MED28: variants seen among roughly 807,000 people sequenced by gnomAD.
MED28 encodes the protein mediator complex subunit 28, also known as mediator of RNA polymerase II transcription subunit 28.
Under a neutral mutation model 21.3 loss-of-function variants are expected in MED28, and 26 were observed. The ratio of observed to expected loss-of-function variants is 1.22; its 90% CI spans 0.89 to 1.69. MED28 has a LOEUF of 1.69. MED28 is among the 40% of genes most tolerant of loss of function. The pLI, the probability that MED28 is intolerant of heterozygous loss-of-function variation, is 0.00. For synonymous variants in MED28, 110 were observed against 87.6 expected, an observed-to-expected ratio of 1.26 and a Z score of -1.43; for missense variants, 257 against 215.4, an observed-to-expected ratio of 1.19 and a Z score of -1.21.
chr4:17,622,725 T>G (rs1714670648), intron 3 of MED28, among the ~76,000 whole-genome samples: 1 of 152,178 alleles, frequency 6.6e-6, no homozygotes, highest in Non-Finnish European at 1.5e-5. Flanking sequence ...TAAAGACATA[T>G]CTGAGACTGG....
chr4:17,634,019 T>TA lies in MED28; in HGVS notation c.*10222dup, dbSNP rs552757786. 9 of 621,300 alleles carry TA rather than the reference T, an allele frequency of 1.4e-5. No homozygotes were observed. Among genetic ancestry groups the TA allele is most frequent in the Admixed American group, 1.2e-4 (3 of 24,306 alleles). 38.5% of individuals were successfully genotyped at this position (621,300 alleles called of 1,614,324 possible). ...GAAGCAACAATTTCATTTATACACT[T>TA]ACATGCTATTTTTTAAAGCACTTTT... On this transcript the variant is annotated 3_prime_UTR_variant, in exon 4 of 4. Coordinates refer to ENST00000237380, the MANE Select transcript of MED28 (RefSeq NM_025205.5).
intron 3 of MED28, among the ~76,000 whole-genome samples, chr4:17,622,604 T>G (rs1010113646): frequency 6.6e-6 from 1 of 152,192 alleles, no homozygotes; most frequent in Non-Finnish European, 1.5e-5. Context: ...AACAAATGTT[T>G]CAGATTTTCA....
intron 1 of MED28, among the ~76,000 whole-genome samples, chr4:17,619,227 A>C (rs116708612): frequency 0.012 from 1,850 of 152,250 alleles, 38 homozygotes; most frequent in African/African-American, 0.043. Context: ...TGCCCTTTAG[A>C]GATAACTCTC....
In MED28 at chr4:17,633,580, T is replaced by TG. The variant is rs1210562691; in HGVS notation, c.*9783dup. On this transcript the variant is annotated 3_prime_UTR_variant, in exon 4 of 4. Transcript: ENST00000237380. The stretch of plus-strand genomic sequence containing the variant: ...TCAGTGTCCCTTGTCTAATCATCCA[T>TG]GAAAAAAGGCCTTCTGGAATTTGGT... 8 of 1,052,016 alleles carry TG rather than the reference T, an allele frequency of 7.6e-6. No homozygotes were observed. In the East Asian group the frequency reaches 2.3e-4, roughly 30 times the overall value. The allele number at this position is 1,052,016 out of a possible 1,614,324, so 65.2% of individuals were successfully genotyped here. A position where few individuals can be genotyped will look rare whatever the true frequency, so the allele number is the denominator to read the frequency against.
In MED28 at chr4:17,625,670, G is replaced by A. The variant is rs1714755697; in HGVS notation, c.*1872G>A. The A allele has an allele frequency of 2.2e-6, 1 of 448,762 alleles. No homozygotes were observed. Among genetic ancestry groups the A allele is most frequent in the African/African-American group, 2.0e-5 (1 of 49,834 alleles). 27.8% of individuals were successfully genotyped at this position (448,762 alleles called of 1,614,324 possible). ...TCTGTTTGTAGACATCTTACTGGGTGATGAATAATCCTCTAAGAAACCCTC... is the reference window on the plus strand; with the variant it reads ...TCTGTTTGTAGACATCTTACTGGGTAATGAATAATCCTCTAAGAAACCCTC... On this transcript the variant is annotated 3_prime_UTR_variant, in exon 4 of 4. Coordinates refer to ENST00000237380, the MANE Select transcript of MED28 (RefSeq NM_025205.5).
rs71167314 is a variant in MED28 at position 17,628,255 on chromosome 4, C to CGTGTGTGT, written c.*4486_*4493dup. 26,333 of 140,570 alleles carry CGTGTGTGT rather than the reference C, an allele frequency of 0.19. 2,744 individuals carry two copies. The highest frequency in any genetic ancestry group is 0.23 in the Middle Eastern group (66 of 284). 8.7% of individuals were successfully genotyped at this position (140,570 alleles called of 1,614,324 possible). On this transcript the variant is annotated 3_prime_UTR_variant, in exon 4 of 4. Transcript: ENST00000237380. ...GCTGGTTAAAACGAGTGACAGCTGC[C>CGTGTGTGT]GTGTGTGTGTGTGTGTGTGTGTGTG...
chr4:17,630,724 G>A lies in MED28; in HGVS notation c.*6926G>A, dbSNP rs1218755547. The stretch of plus-strand genomic sequence containing the variant: ...TAAAAATGCATTGGAGCCTCGTTTT[G>A]ATTAGGCAGTAAATTTACCTTTAAT... On this transcript the variant is annotated 3_prime_UTR_variant, in exon 4 of 4. Coordinates refer to ENST00000237380, the MANE Select transcript of MED28 (RefSeq NM_025205.5). 6.6e-6 allele frequency: 1 copy of A among 151,864 alleles called. No homozygotes were observed. Among genetic ancestry groups the A allele is most frequent in the Non-Finnish European group, 1.5e-5 (1 of 68,000 alleles). The allele number at this position is 151,864 out of a possible 1,614,324, so 9.4% of individuals were successfully genotyped here.
In MED28 at chr4:17,624,500, T is replaced by TAA. The variant is rs1034938052; in HGVS notation, c.*703_*704insAA. On this transcript the variant is annotated 3_prime_UTR_variant, in exon 4 of 4. Transcript: ENST00000237380. ...TAGAAGGATATAGTGGGAGCAGTGA[T>TAA]ACGCTAACATTCATTACATTCTGCA... is the stretch of plus-strand genomic sequence containing the variant. 1.3e-5 allele frequency: 2 copies of TAA among 152,208 alleles called. No individual in the cohort carries two copies. The highest frequency in any genetic ancestry group is 4.8e-5 in the African/African-American group (2 of 41,400). The allele number at this position is 152,208 out of a possible 1,614,324, so 9.4% of individuals were successfully genotyped here.
At chr4:17,617,006 A>G (rs1714472801) in intron 1 of MED28, among the ~76,000 whole-genome samples, 1 of 152,220 alleles carries the variant, frequency 6.6e-6, no homozygotes, top group African/African-American at 2.4e-5. Flanking sequence ...AACGGCAGGC[A>G]GTTGCCTTGT....
rs774717339 is a variant in MED28, at chr4:17,623,550, A to C, written c.340-51A>C. On this transcript the variant is annotated intron_variant, in intron 3 of 3. Transcript: ENST00000237380. Reference sequence around the variant, plus strand: ...TAGCCTCTTAACTAACCAGAACCGTATGTGTTTTTCCTGCATTTGCTCTGA... The same window carrying C: ...TAGCCTCTTAACTAACCAGAACCGTCTGTGTTTTTCCTGCATTTGCTCTGA... 3.2e-6 allele frequency: 5 copies of C among 1,566,748 alleles called. No homozygotes were observed. In the South Asian group the frequency reaches 5.6e-5, roughly 17 times the overall value.
Position 17,625,413 on chromosome 4 carries a change from T to A in MED28, c.*1615T>A, listed in dbSNP as rs1714749384. On this transcript the variant is annotated 3_prime_UTR_variant, in exon 4 of 4. Transcript: ENST00000237380. ...TGGTATGACCTCAAGGTTGCTAACC[T>A]GGTCACTCATGGTAATTAGAAACTC... is the stretch of plus-strand genomic sequence containing the variant. The A allele has an allele frequency of 3.8e-6, 1 of 261,424 alleles. No homozygotes were observed. The highest frequency in any genetic ancestry group is 3.5e-5 in the South Asian group (1 of 28,280). 16.2% of individuals were successfully genotyped at this position (261,424 alleles called of 1,614,324 possible).
In MED28 at chr4:17,628,116, C is replaced by A. The variant is rs1714814216; in HGVS notation, c.*4318C>A. 6.6e-6 allele frequency: 1 copy of A among 152,156 alleles called. No homozygotes were observed. The highest frequency in any genetic ancestry group is 2.4e-5 in the African/African-American group (1 of 41,440). 9.4% of individuals were successfully genotyped at this position (152,156 alleles called of 1,614,324 possible). A position where few individuals can be genotyped will look rare whatever the true frequency, so the allele number is the denominator to read the frequency against. On this transcript the variant is annotated 3_prime_UTR_variant, in exon 4 of 4. Coordinates refer to ENST00000237380, the MANE Select transcript of MED28 (RefSeq NM_025205.5). ...GACATAAACAGTCTCTGAATGCCAACCCCAAAGTTGCTCTCAGGCCATGAT... is the reference window on the plus strand; with the variant it reads ...GACATAAACAGTCTCTGAATGCCAAACCCAAAGTTGCTCTCAGGCCATGAT...
Position 17,614,663 on chromosome 4 carries a change from T to G in MED28, c.9T>G (p.Ala3=). The G allele has an allele frequency of 1.2e-6, 2 of 1,606,400 alleles. No homozygotes were observed. Among genetic ancestry groups the G allele is most frequent in the Non-Finnish European group, 1.7e-6 (2 of 1,177,346 alleles). The change falls in exon 1 of 4, where the codon GCT becomes GCG. Residue 3 remains alanine, a synonymous_variant. Coordinates refer to ENST00000237380, the MANE Select transcript of MED28 (RefSeq NM_025205.5). ...CTTGCGCCATTCCAAACATGGCGGC[T>G]CCACTAGGGGGTATGTTTTCTGGGC... The part of the protein sequence containing the change: MA[A]PLGGMFSGQP...
chr4:17,625,172 G>C lies in MED28; in HGVS notation c.*1374G>C, dbSNP rs141786329. On this transcript the variant is annotated 3_prime_UTR_variant, in exon 4 of 4. Transcript: ENST00000237380. ...TTGCCCTCGCTAGGTTCTCCCTGGT[G>C]GGTTAGTGCTTTGTATCTGTCTCTC... 1 of 153,050 alleles carries C rather than the reference G, an allele frequency of 6.5e-6. No homozygotes were observed. The highest frequency in any genetic ancestry group is 1.9e-4 in the East Asian group (1 of 5,202). 9.5% of individuals were successfully genotyped at this position (153,050 alleles called of 1,614,324 possible).
Position 17,633,539 on chromosome 4 carries a change from T to C in MED28, c.*9741T>C, listed in dbSNP as rs193182732. On this transcript the variant is annotated 3_prime_UTR_variant, in exon 4 of 4. Transcript: ENST00000237380. Reference sequence around the variant, plus strand: ...ACCTTTTGTATAACCCATGCTGAAGTTTTCAGGTAAGTGATTCAGTGTCCC... The same window carrying C: ...ACCTTTTGTATAACCCATGCTGAAGCTTTCAGGTAAGTGATTCAGTGTCCC... 69 of 694,954 alleles carry C rather than the reference T, an allele frequency of 9.9e-5. No individual in the cohort carries two copies. In the African/African-American group the frequency reaches 1.2e-3, roughly 12 times the overall value. The allele number at this position is 694,954 out of a possible 1,614,324, so 43.0% of individuals were successfully genotyped here. A position where few individuals can be genotyped will look rare whatever the true frequency, so the allele number is the denominator to read the frequency against.
rs7678064 is a variant in MED28 at position 17,630,601 on chromosome 4, C to G, written c.*6803C>G. ...AGATATTTTGTTAGAGCAGCCTGAA[C>G]GAACTAAGACACTCTAAGCGGGAAA... is the stretch of plus-strand genomic sequence containing the variant. On this transcript the variant is annotated 3_prime_UTR_variant, in exon 4 of 4. Coordinates refer to ENST00000237380, the MANE Select transcript of MED28 (RefSeq NM_025205.5). 6.6e-6 allele frequency: 1 copy of G among 152,160 alleles called. No homozygotes were observed. Among genetic ancestry groups the G allele is most frequent in the South Asian group, 2.1e-4 (1 of 4,826 alleles). The allele number at this position is 152,160 out of a possible 1,614,324, so 9.4% of individuals were successfully genotyped here.
rs375216309 is a variant in MED28 at position 17,628,653 on chromosome 4, G to A, written c.*4855G>A. ...TGTCTTGCACTTCTAATTGTGTCTCGGGGCATGCCTGGTGGAGGACCTGAC... is the reference window on the plus strand; with the variant it reads ...TGTCTTGCACTTCTAATTGTGTCTCAGGGCATGCCTGGTGGAGGACCTGAC... On this transcript the variant is annotated 3_prime_UTR_variant, in exon 4 of 4. Coordinates refer to ENST00000237380, the MANE Select transcript of MED28 (RefSeq NM_025205.5). The A allele has an allele frequency of 2.0e-5, 3 of 152,198 alleles. No homozygotes were observed. The highest frequency in any genetic ancestry group is 2.1e-4 in the South Asian group (1 of 4,812). 9.4% of individuals were successfully genotyped at this position (152,198 alleles called of 1,614,324 possible).
chr4:17,632,704 G>A lies in MED28; in HGVS notation c.*8906G>A. ...GCTTAATACCCACCATCTTTTCAGGGAAAGATAACTGCTTGTTTACTCTTC... is the reference window on the plus strand; with the variant it reads ...GCTTAATACCCACCATCTTTTCAGGAAAAGATAACTGCTTGTTTACTCTTC... On this transcript the variant is annotated 3_prime_UTR_variant, in exon 4 of 4. Transcript: ENST00000237380. 2.1e-6 allele frequency: 2 copies of A among 931,956 alleles called. No homozygotes were observed. Among genetic ancestry groups the A allele is most frequent in the Non-Finnish European group, 3.3e-6 (2 of 604,822 alleles). The allele number at this position is 931,956 out of a possible 1,614,324, so 57.7% of individuals were successfully genotyped here. A position where few individuals can be genotyped will look rare whatever the true frequency, so the allele number is the denominator to read the frequency against.
Position 17,623,647 on chromosome 4 carries a change from T to C in MED28, c.386T>C (p.Val129Ala). Residue 129 changes from valine to alanine, a missense_variant, in exon 4 of 4, where the codon GTC becomes GCC. Coordinates refer to ENST00000237380, the MANE Select transcript of MED28 (RefSeq NM_025205.5). ...RNELQRKDAL[V>A]QKHLTKLRHW... ...GAATTACAGCGGAAAGATGCACTAG[T>C]CCAGAAGCACTTGACAAAGCTGAGG... The C allele has an allele frequency of 6.2e-7, 1 of 1,614,174 alleles. No individual in the cohort carries two copies. The highest frequency in any genetic ancestry group is 8.5e-7 in the Non-Finnish European group (1 of 1,180,038).
Sources: allele counts gnomAD v4.1 joint callset (sites outside exome capture counted in the v4.1 genomes callset), GRCh38; gene constraint gnomAD v4.1.1; transcripts MANE v1.5; gene names NCBI Gene and HGNC (gene_info 2026-07-23, HGNC 2026-07-21).